The following IKBKB variants were observed in gnomAD, a reference collection of about 807,000 sequenced individuals.
IKBKB encodes the protein inhibitor of nuclear factor kappa B kinase subunit beta.
In IKBKB, 42 loss-of-function variants were observed where a neutral mutation model predicts 113.6. The observed-to-expected ratio is 0.37, with a 90% CI of 0.29 to 0.48. The LOEUF (loss-of-function observed/expected upper bound fraction) is 0.48, where lower values mean the gene tolerates loss of function less well. IKBKB is among the 20% of genes least tolerant of loss of function. IKBKB has a pLI of 0.99. For missense variants in IKBKB, 673 were observed against 939.7 expected (o/e 0.72, Z 3.71); for synonymous variants, 296 against 361.3 (o/e 0.82, Z 2.05).
At chr8:42,272,309 G>C in intron 2 of IKBKB, 104 bp downstream of exon 2, 1 of 1,499,540 alleles carries the variant, frequency 6.7e-7, no homozygotes, top group Non-Finnish European at 9.2e-7. Flanking sequence ...CTTTGGCTTT[G>C]GTCATCTTGG....
intron 21 of IKBKB, chr8:42,329,685 C>T (rs1821437524): frequency 1.0e-6 from 1 of 985,374 alleles, no homozygotes. Flanking sequence ...ACCATTGGTA[C>T]TACTGCTGAG....
intron 19 of IKBKB, among the ~76,000 whole-genome samples, chr8:42,322,810 G>T (rs17875751): frequency 0.035 from 5,327 of 152,306 alleles, 104 homozygotes; most frequent in Non-Finnish European, 0.042. Flanking sequence ...CAGCAATTTG[G>T]GGAGGCTGAG....
Position 42,288,740 on chromosome 8 carries a change from G to C in IKBKB, c.200+12G>C, listed in dbSNP as rs201140389. 5.0e-6 allele frequency: 8 copies of C among 1,597,010 alleles called. No homozygotes were observed. Among genetic ancestry groups the C allele is most frequent in the Non-Finnish European group, 6.8e-6 (8 of 1,169,668 alleles). On this transcript the variant is annotated intron_variant, in intron 3 of 21. Transcript: ENST00000520810. ...CAGATCATGAGAAGGTGAGGGCCTC[G>C]CGCATAGGGACCCAAGGGAAAGCTG... is the stretch of plus-strand genomic sequence containing the variant.
chr8:42,319,174 G>T (rs1819285792), intron 13 of IKBKB, 96 bp from the exon 14 acceptor site: 2 of 1,081,168 alleles, frequency 1.8e-6, no homozygotes, highest in Non-Finnish European at 1.4e-6. Flanking sequence ...TTATAGCAGG[G>T]ACCTCCCTTG....
chr8:42,298,374 T>C (rs939399158), intron 5 of IKBKB: 1 of 985,274 alleles, frequency 1.0e-6, no homozygotes, highest in African/African-American at 1.7e-5. Context: ...TGTCCCTGCT[T>C]CCTTCTCGAG....
chr8:42,298,262 C>T, intron 5 of IKBKB: 1 of 985,374 alleles, frequency 1.0e-6, no homozygotes, highest in Non-Finnish European at 1.2e-6. Context: ...CTTATCAGAT[C>T]TTAGATTGGA....
At chr8:42,272,924 A>C (rs923591099) in intron 2 of IKBKB, among the ~76,000 whole-genome samples, 13 of 127,472 alleles carry the variant, frequency 1.0e-4, no homozygotes, top group Non-Finnish European at 1.7e-4. Flanking sequence ...TGGGTAACAG[A>C]GTGAGACTCC....
intron 19 of IKBKB, chr8:42,325,200 G>T (rs1820509897): frequency 1.0e-6 from 1 of 985,548 alleles, no homozygotes; most frequent in Admixed American, 6.1e-5. Flanking sequence ...CAGGTAGCTG[G>T]AATGGGAACC....
chr8:42,291,526 G>A (rs1812642550), intron 4 of IKBKB, among the ~76,000 whole-genome samples: 1 of 152,202 alleles, frequency 6.6e-6, no homozygotes, highest in African/African-American at 2.4e-5. Flanking sequence ...GTTGCTCTGC[G>A]AGTGCACCTC....
At chr8:42,289,128 T>C (rs758357945) in intron 3 of IKBKB, among the ~76,000 whole-genome samples, 66 of 152,024 alleles carry the variant, frequency 4.3e-4, no homozygotes, top group Admixed American at 9.2e-4. Flanking sequence ...GGCAGGAGAA[T>C]GGCGTGAACC....
chr8:42,328,815 G>A (rs1164489414), intron 20 of IKBKB, among the ~76,000 whole-genome samples: 1 of 152,030 alleles, frequency 6.6e-6, no homozygotes. Flanking sequence ...TTAGATTTTG[G>A]CAGTTTGAAA....
At chr8:42,303,916 A>G (rs570737502) in intron 5 of IKBKB, among the ~76,000 whole-genome samples, 101 of 152,260 alleles carry the variant, frequency 6.6e-4, no homozygotes, top group African/African-American at 2.3e-3. Flanking sequence ...CACCTCTCTT[A>G]TCTTTTGGCT....
At chr8:42,278,655 A>ATG (rs1463934199) in intron 2 of IKBKB, among the ~76,000 whole-genome samples, 1 of 152,072 alleles carries the variant, frequency 6.6e-6, no homozygotes, top group Non-Finnish European at 1.5e-5. Flanking sequence ...CCAGGTCTGA[A>ATG]TGTTTTGGAG....
At chr8:42,330,164 G>A in intron 21 of IKBKB, 1 of 985,374 alleles carries the variant, frequency 1.0e-6, no homozygotes, top group Non-Finnish European at 1.2e-6. Flanking sequence ...GAGCATGGGA[G>A]TGAGTGCTGT....
At position 42,287,079 on chromosome 8, in the gene IKBKB, A is replaced by G. The variant is rs535069490; in HGVS notation, c.106-1555A>G. On this transcript the variant is annotated intron_variant, in intron 2 of 21. Transcript: ENST00000520810. ...TGTCTTGGAGACCCCCCCATAGCCA[A>G]AAGAGGTGACAGTGGTGCAGTGGTG... Among the ~76,000 whole-genome samples, 297 of 152,312 alleles carry G rather than the reference A, an allele frequency of 1.9e-3. 3 individuals are homozygous for G. In the Middle Eastern group the frequency reaches 0.024, roughly 12 times the overall value.
At chr8:42,301,991 A>G (rs954056507) in intron 5 of IKBKB, among the ~76,000 whole-genome samples, 6 of 152,118 alleles carry the variant, frequency 3.9e-5, no homozygotes, top group African/African-American at 1.4e-4. Flanking sequence ...AAACTAACCT[A>G]CACTTTTATG....
At chr8:42,309,178 G>C (rs1817196087) in intron 8 of IKBKB, among the ~76,000 whole-genome samples, 153 bp downstream of exon 8, 1 of 152,230 alleles carries the variant, frequency 6.6e-6, no homozygotes, top group African/African-American at 2.4e-5. Context: ...AGCACGAGTA[G>C]GGGAGTGGTC....
At chr8:42,289,660 A>G (rs1454911463) in intron 3 of IKBKB, among the ~76,000 whole-genome samples, 3 of 152,116 alleles carry the variant, frequency 2.0e-5, no homozygotes, top group Non-Finnish European at 2.9e-5. Flanking sequence ...TGGTTATGTC[A>G]TGGTTCCATT....
chr8:42,288,008 G>T (rs1417538008), intron 2 of IKBKB, among the ~76,000 whole-genome samples: 2 of 152,142 alleles, frequency 1.3e-5, no homozygotes, highest in Admixed American at 1.3e-4. Context: ...ACCTCTCTGC[G>T]CAGGAATGGT....
Sources: allele counts gnomAD v4.1 joint callset (sites outside exome capture counted in the v4.1 genomes callset), GRCh38; gene constraint gnomAD v4.1.1; transcripts MANE v1.5; gene names NCBI Gene and HGNC (gene_info 2026-07-23, HGNC 2026-07-21).